Variants in LPIN1 observed in about 807,000 individuals in gnomAD.
The protein encoded by LPIN1 is phosphatidate phosphatase LPIN1.
Under a neutral mutation model 107.5 loss-of-function variants are expected in LPIN1, and 71 were observed. The observed-to-expected ratio is 0.66, with a 90% confidence interval of 0.55 to 0.80. The LOEUF (loss-of-function observed/expected upper bound fraction) is 0.80. LPIN1 is among the 30% of genes least tolerant of loss of function. The pLI is 0.00. For synonymous variants in LPIN1, 445 were observed against 452.6 expected, an observed-to-expected ratio of 0.98 and a Z score of 0.21; for missense variants, 1,043 against 1,160.6, an observed-to-expected ratio of 0.90 and a Z score of 1.47.
chr2:11,702,945 A>T (rs751752244), intron 1 of LPIN1, among the ~76,000 whole-genome samples: 1 of 152,188 alleles, frequency 6.6e-6, no homozygotes, highest in Admixed American at 6.5e-5. Flanking sequence ...AGGGAGACAG[A>T]TGGAGATGGA....
chr2:11,810,649 A>G (rs1438605446), intron 17 of LPIN1, among the ~76,000 whole-genome samples: 1 of 152,154 alleles, frequency 6.6e-6, no homozygotes, highest in Admixed American at 6.5e-5. Context: ...TGACGGACAT[A>G]TGGCAGTGTC....
intron 6 of LPIN1, among the ~76,000 whole-genome samples, chr2:11,778,495 A>G (rs970964655): frequency 1.5e-4 from 23 of 152,230 alleles, no homozygotes; most frequent in Admixed American, 1.4e-3. Flanking sequence ...CTCACCTTGT[A>G]TTGACAGGAA....
chr2:11,766,386 G>A (rs1558847999), intron 2 of LPIN1, among the ~76,000 whole-genome samples: 1 of 152,176 alleles, frequency 6.6e-6, no homozygotes, highest in African/African-American at 2.4e-5. Context: ...TTGGAGAGGA[G>A]AACTAGGTTG....
intron 1 of LPIN1, among the ~76,000 whole-genome samples, chr2:11,751,395 G>T (rs190072844): frequency 1.3e-5 from 2 of 152,308 alleles, no homozygotes; most frequent in Admixed American, 1.3e-4. Context: ...AAAAACACAA[G>T]CTAGAAAGCA....
At chr2:11,734,942 C>T (rs182160395) in intron 1 of LPIN1, among the ~76,000 whole-genome samples, 152 of 152,302 alleles carry the variant, frequency 1.0e-3, no homozygotes, top group Non-Finnish European at 2.8e-4. Context: ...TACAGCTGCA[C>T]AGCTCCTTTG....
At position 11,677,810 on chromosome 2, in the gene LPIN1, G is replaced by A. The variant is rs952771817; in HGVS notation, c.81+82G>A. 3 of 1,220,640 alleles carry A rather than the reference G, an allele frequency of 2.5e-6. No individual in the cohort carries two copies. The Admixed American group carries it at 6.1e-5, about 25-fold the overall frequency. The allele number at this position is 1,220,640 out of a possible 1,614,324, so 75.6% of individuals were successfully genotyped here. ...TCCCCAGGTGCCCGCGTACTGATGGGACCCGGGGAACATTTGCGCCCAGAG... is the reference window on the plus strand; with the variant it reads ...TCCCCAGGTGCCCGCGTACTGATGGAACCCGGGGAACATTTGCGCCCAGAG... On this transcript the variant is annotated intron_variant, in intron 1 of 21. Transcript: ENST00000449576.
intron 1 of LPIN1, among the ~76,000 whole-genome samples, chr2:11,761,352 G>C (rs1290326948): frequency 6.6e-6 from 1 of 152,180 alleles, no homozygotes; most frequent in Non-Finnish European, 1.5e-5. Context: ...TTAGAAAAAT[G>C]TGTGTTTTGA....
chr2:11,698,659 C>T (rs1398832245), intron 1 of LPIN1, among the ~76,000 whole-genome samples: 1 of 152,234 alleles, frequency 6.6e-6, no homozygotes, highest in Non-Finnish European at 1.5e-5. Flanking sequence ...TCAGGACTCC[C>T]GCTGCTGGGC....
intron 1 of LPIN1, 98 bp downstream of exon 1, chr2:11,746,769 G>A (rs981941195): frequency 5.3e-6 from 3 of 569,626 alleles, no homozygotes; most frequent in East Asian, 2.9e-4. Context: ...GAGGACGCGT[G>A]GCGAGGCGGG....
intron 17 of LPIN1, among the ~76,000 whole-genome samples, chr2:11,812,293 C>T (rs1260187033): frequency 6.6e-6 from 1 of 152,210 alleles, no homozygotes; most frequent in Non-Finnish European, 1.5e-5. Flanking sequence ...GGGACAAAGT[C>T]CCTGTCCTCA....
At chr2:11,711,444 A>C (rs530589975) in intron 1 of LPIN1, among the ~76,000 whole-genome samples, 1 of 152,294 alleles carries the variant, frequency 6.6e-6, no homozygotes, top group Admixed American at 6.5e-5. Flanking sequence ...CCTATAACAC[A>C]CATCTGCCTT....
chr2:11,737,218 T>C (rs1321277099), intron 1 of LPIN1, among the ~76,000 whole-genome samples: 1 of 152,174 alleles, frequency 6.6e-6, no homozygotes, highest in African/African-American at 2.4e-5. Flanking sequence ...CCTTACACTT[T>C]ATACAAAAAT....
At chr2:11,779,817 A>G (rs982204429) in intron 7 of LPIN1, among the ~76,000 whole-genome samples, 172 bp downstream of exon 7, 4 of 152,200 alleles carry the variant, frequency 2.6e-5, no homozygotes, top group Non-Finnish European at 5.9e-5. Flanking sequence ...CACGTTACCA[A>G]CATTATAGAG....
chr2:11,709,751 C>T (rs1225036612), intron 1 of LPIN1, among the ~76,000 whole-genome samples: 1 of 152,256 alleles, frequency 6.6e-6, no homozygotes, highest in Middle Eastern at 3.2e-3. Context: ...CAGCCCACGA[C>T]TTTGAGCCTG....
Position 11,771,752 on chromosome 2 carries a change from T to A in LPIN1, c.596+73T>A. 1 of 1,424,380 alleles carries A rather than the reference T, an allele frequency of 7.0e-7. No individual in the cohort carries two copies. Among genetic ancestry groups the A allele is most frequent in the South Asian group, 1.3e-5 (1 of 77,994 alleles). 88.2% of individuals were successfully genotyped at this position (1,424,380 alleles called of 1,614,324 possible). A position where few individuals can be genotyped will look rare whatever the true frequency, so the allele number is the denominator to read the frequency against. On this transcript the variant is annotated intron_variant, in intron 4 of 20. Coordinates refer to ENST00000674199, the MANE Select transcript of LPIN1 (RefSeq NM_001349206.2). The surrounding 1 kb of genome is among the most constrained non-coding windows in gnomAD (Gnocchi z 4.8). The stretch of plus-strand genomic sequence containing the variant: ...ACTGTTCAAGATTATTTTTATGAAC[T>A]TTTCCCCCATAATTCCTTATTCTTT...
Position 11,748,035 on chromosome 2 carries a change from A to C in LPIN1, c.-10+1364A>C, listed in dbSNP as rs192415843. On this transcript the variant is annotated intron_variant, in intron 1 of 20. Transcript: ENST00000674199. ...ATCAGCAGTTCCTTTCTTTTAGAAA[A>C]GCACAGGGGGACAAGGGGCGGACCT... Among the ~76,000 whole-genome samples the C allele has an allele frequency of 3.9e-5, 6 of 152,330 alleles. No individual in the cohort carries two copies. In the East Asian group the frequency reaches 1.2e-3, roughly 29 times the overall value.
chr2:11,689,932 GT>G (rs2148506379), intron 1 of LPIN1, among the ~76,000 whole-genome samples: 1 of 152,240 alleles, frequency 6.6e-6, no homozygotes, highest in South Asian at 2.1e-4. Context: ...AAACATACCT[GT>G]ATAACAAATA....
chr2:11,734,592 T>C (rs1353202940), intron 1 of LPIN1, among the ~76,000 whole-genome samples: 2 of 152,222 alleles, frequency 1.3e-5, no homozygotes, highest in Non-Finnish European at 2.9e-5. Context: ...TTTTGCATCT[T>C]GGAGCAAGTC....
At chr2:11,752,635 T>G (rs10166887) in intron 1 of LPIN1, among the ~76,000 whole-genome samples, 62,651 of 149,652 alleles carry the variant, frequency 0.42, 13,683 homozygotes, top group African/African-American at 0.53. Flanking sequence ...GTTTCACCGT[T>G]TTAGCCGGGA....
Sources: allele counts gnomAD v4.1 joint callset (sites outside exome capture counted in the v4.1 genomes callset), GRCh38; gene constraint gnomAD v4.1.1; non-coding constraint Gnocchi (gnomAD v3.1); transcripts MANE v1.5; gene names NCBI Gene and HGNC (gene_info 2026-07-23, HGNC 2026-07-21).